SNTG1: variants seen among roughly 807,000 people sequenced by gnomAD.
SNTG1 encodes syntrophin gamma 1, also known as gamma-1-syntrophin.
In SNTG1, 39 loss-of-function variants were observed where a neutral mutation model predicts 74.7. The observed-to-expected ratio is 0.52, with a 90% CI of 0.40 to 0.68. SNTG1 has a LOEUF of 0.68. Among genes scored for constraint, SNTG1 ranks in the 30% least tolerant of loss-of-function variants. The pLI is 0.00. For missense variants in SNTG1, 685 were observed against 609.5 expected (o/e 1.12, Z -1.30); for synonymous variants, 254 against 217.1 (o/e 1.17, Z -1.49).
At chr8:50,735,371 T>C (rs1182561305) in intron 17 of SNTG1, among the ~76,000 whole-genome samples, 1 of 151,754 alleles carries the variant, frequency 6.6e-6, no homozygotes, top group African/African-American at 2.4e-5. Context: ...GCTAAGAAAC[T>C]TGAAAACAGG....
intron 1 of SNTG1, among the ~76,000 whole-genome samples, chr8:50,078,817 G>A (rs992312996): frequency 3.3e-5 from 5 of 152,104 alleles, no homozygotes; most frequent in African/African-American, 1.2e-4. Context: ...GCAGTTTTTG[G>A]TTTTCTGTTC....
intron 13 of SNTG1, among the ~76,000 whole-genome samples, chr8:50,646,274 A>G (rs1373209820): frequency 6.6e-6 from 1 of 152,192 alleles, no homozygotes; most frequent in Non-Finnish European, 1.5e-5. Flanking sequence ...AGCTTGAGGC[A>G]GCATCTCTGT....
At chr8:50,646,166 A>G (rs1175267573) in intron 13 of SNTG1, among the ~76,000 whole-genome samples, 2 of 152,132 alleles carry the variant, frequency 1.3e-5, no homozygotes, top group Non-Finnish European at 2.9e-5. Flanking sequence ...ATTTTCATTA[A>G]TGGTTTCCTC....
chr8:50,682,328 G>C (rs945604895), intron 15 of SNTG1, among the ~76,000 whole-genome samples: 1 of 151,872 alleles, frequency 6.6e-6, no homozygotes, highest in Non-Finnish European at 1.5e-5. Context: ...GGAGTGGCGG[G>C]GTGGGTAGTT....
At chr8:50,288,121 G>T (rs955227767) in intron 2 of SNTG1, among the ~76,000 whole-genome samples, 12 of 152,110 alleles carry the variant, frequency 7.9e-5, no homozygotes, top group Admixed American at 7.2e-4. Context: ...AAAAATGCCT[G>T]CTCCATACAT....
At chr8:50,684,295 T>A (rs2095342947) in intron 15 of SNTG1, among the ~76,000 whole-genome samples, 1 of 152,190 alleles carries the variant, frequency 6.6e-6, no homozygotes, top group African/African-American at 2.4e-5. Context: ...GTCTCAGAGA[T>A]AGAATATTAG....
intron 1 of SNTG1, among the ~76,000 whole-genome samples, chr8:50,000,886 T>C (rs1411191864): frequency 6.6e-6 from 1 of 152,220 alleles, no homozygotes; most frequent in Non-Finnish European, 1.5e-5. Flanking sequence ...TCACCATATC[T>C]GAACTCTTGG....
intron 2 of SNTG1, among the ~76,000 whole-genome samples, chr8:50,295,978 A>T (rs1036539344): frequency 6.6e-6 from 1 of 152,206 alleles, no homozygotes; most frequent in African/African-American, 2.4e-5. Context: ...GAGTGTGTGC[A>T]TAGCTCATTA....
At chr8:49,944,453 C>A (rs539334121) in intron 1 of SNTG1, among the ~76,000 whole-genome samples, 1 of 150,812 alleles carries the variant, frequency 6.6e-6, no homozygotes, top group East Asian at 2.0e-4. Flanking sequence ...TGGAAATCAT[C>A]ATTCTCAGTA....
chr8:50,704,266 A>G (rs1282273231), intron 15 of SNTG1, among the ~76,000 whole-genome samples: 2 of 152,216 alleles, frequency 1.3e-5, no homozygotes, highest in Non-Finnish European at 2.9e-5. Flanking sequence ...CATAACAGTT[A>G]TGTAAGGAAG....
At chr8:50,332,013 G>A (rs1377911172) in intron 2 of SNTG1, among the ~76,000 whole-genome samples, 3 of 152,176 alleles carry the variant, frequency 2.0e-5, no homozygotes, top group Admixed American at 6.5e-5. Context: ...GAATCACAAA[G>A]GTGAATGTAG....
chr8:50,516,607 GA>G (rs2094135999), intron 9 of SNTG1, among the ~76,000 whole-genome samples: 3 of 152,318 alleles, frequency 2.0e-5, no homozygotes, highest in Admixed American at 1.3e-4. Context: ...TAAATGACCT[GA>G]TGGAGCTGAA....
At chr8:50,213,068 T>G (rs1043636675) in intron 2 of SNTG1, among the ~76,000 whole-genome samples, 2 of 152,196 alleles carry the variant, frequency 1.3e-5, no homozygotes, top group African/African-American at 4.8e-5. Context: ...CCTTGAGTCT[T>G]TGCAGTGTTC....
intron 15 of SNTG1, among the ~76,000 whole-genome samples, chr8:50,675,099 T>A (rs1398788492): frequency 6.6e-6 from 1 of 152,108 alleles, no homozygotes. Flanking sequence ...GTGGTTGATT[T>A]TATAATAAAT....
intron 1 of SNTG1, among the ~76,000 whole-genome samples, chr8:50,156,703 G>A (rs2082266055): frequency 6.6e-6 from 1 of 152,032 alleles, no homozygotes; most frequent in South Asian, 2.1e-4. Context: ...AAATGGGCAA[G>A]TGTTCTGATC....
At chr8:50,483,574 G>A (rs772588479) in intron 8 of SNTG1, among the ~76,000 whole-genome samples, 4 of 152,012 alleles carry the variant, frequency 2.6e-5, no homozygotes, top group Non-Finnish European at 4.4e-5. Flanking sequence ...TGTACTCAGT[G>A]TATATCAAAG....
At chr8:50,721,973 A>G (rs1042468878) in intron 17 of SNTG1, among the ~76,000 whole-genome samples, 1 of 152,140 alleles carries the variant, frequency 6.6e-6, no homozygotes, top group African/African-American at 2.4e-5. Context: ...TCAGCCATCA[A>G]ATGATTCAGT....
intron 9 of SNTG1, among the ~76,000 whole-genome samples, chr8:50,505,025 T>C (rs944228432): frequency 8.5e-5 from 13 of 152,134 alleles, no homozygotes; most frequent in Non-Finnish European, 1.8e-4. Context: ...GCAAACACCA[T>C]TGTATTTTGT....
chr8:50,587,946 C>G (rs2094663688), intron 12 of SNTG1, among the ~76,000 whole-genome samples: 1 of 151,520 alleles, frequency 6.6e-6, no homozygotes, highest in South Asian at 2.1e-4. Context: ...CCTATCTCTA[C>G]TAAAAATTAA....
Sources: allele counts gnomAD v4.1 joint callset (sites outside exome capture counted in the v4.1 genomes callset), GRCh38; gene constraint gnomAD v4.1.1; transcripts MANE v1.5; gene names NCBI Gene and HGNC (gene_info 2026-07-23, HGNC 2026-07-21).